GPC6: variants seen among roughly 807,000 people sequenced by gnomAD.
GPC6 encodes the protein glypican 6.
GPC6 carries 14 observed loss-of-function variants against 55.2 expected under a neutral mutation model. The ratio of observed to expected loss-of-function variants is 0.25; its 90% CI spans 0.17 to 0.40. The LOEUF (loss-of-function observed/expected upper bound fraction) is 0.40, where lower values mean the gene tolerates loss of function less well. Ranked by LOEUF, GPC6 falls within the 10% of genes least tolerant of loss-of-function variation. GPC6 has a pLI of 1.00. For synonymous variants in GPC6, 278 were observed against 259.6 expected, an observed-to-expected ratio of 1.07 and a Z score of -0.68; for missense variants, 641 against 708.5, an observed-to-expected ratio of 0.90 and a Z score of 1.08.
chr13:93,619,503 A>T (rs528566141), intron 2 of GPC6, among the ~76,000 whole-genome samples: 1 of 152,228 alleles, frequency 6.6e-6, no homozygotes, highest in East Asian at 1.9e-4. Context: ...CCCAGGATAG[A>T]GTTCAGTGGC....
intron 1 of GPC6, among the ~76,000 whole-genome samples, chr13:93,295,471 G>A (rs1003665218): frequency 3.3e-5 from 5 of 151,710 alleles, no homozygotes; most frequent in African/African-American, 1.2e-4. Context: ...TGTGGTTTTT[G>A]TTTTGTTTTG....
chr13:93,549,283 A>G (rs1874994836), intron 2 of GPC6, among the ~76,000 whole-genome samples: 1 of 152,168 alleles, frequency 6.6e-6, no homozygotes, highest in South Asian at 2.1e-4. Flanking sequence ...GGGGAGAGTC[A>G]TCTTTGTGTA....
At chr13:93,393,728 T>C (rs550109003) in intron 1 of GPC6, among the ~76,000 whole-genome samples, 3 of 152,204 alleles carry the variant, frequency 2.0e-5, no homozygotes, top group African/African-American at 7.2e-5. Flanking sequence ...TCTTTTTTGC[T>C]TAATGATCTT....
rs1445912098 is a variant in GPC6 at position 94,293,074 on chromosome 13, A to G, written c.1008+6595A>G. On this transcript the variant is annotated intron_variant, in intron 5 of 8. Coordinates refer to ENST00000377047, the MANE Select transcript of GPC6 (RefSeq NM_005708.5). Reference sequence around the variant, plus strand: ...TTTTAAAGACCAGGGGCAAGAGCATATTAAAACTTTCCCAATTTCCTTTTG... The same window carrying G: ...TTTTAAAGACCAGGGGCAAGAGCATGTTAAAACTTTCCCAATTTCCTTTTG... 2.6e-5 allele frequency among the ~76,000 whole-genome samples: 4 copies of G among 152,330 alleles called. No individual in the cohort carries two copies. The South Asian group carries it at 8.3e-4, about 32-fold the overall frequency.
In GPC6 at chr13:93,336,735, G is replaced by A. The variant is rs1054671364; in HGVS notation, c.160+109119G>A. ...CTGTGACACCGGGTGGCAATAAAAT[G>A]TCTTCCTCATTACAATTAATACCGA... is the stretch of plus-strand genomic sequence containing the variant. On this transcript the variant is annotated intron_variant, in intron 1 of 8. Coordinates refer to ENST00000377047, the MANE Select transcript of GPC6 (RefSeq NM_005708.5). Among the ~76,000 whole-genome samples the A allele has an allele frequency of 2.0e-5, 3 of 152,070 alleles. No individual in the cohort carries two copies. The South Asian group carries it at 6.2e-4, about 32-fold the overall frequency.
intron 2 of GPC6, among the ~76,000 whole-genome samples, chr13:93,691,259 G>T (rs888628693): frequency 4.6e-5 from 7 of 152,080 alleles, no homozygotes; most frequent in Non-Finnish European, 1.0e-4. Context: ...CTTTAAGTCT[G>T]TATATTTTAG....
chr13:93,247,367 C>T (rs1183648087), intron 1 of GPC6, among the ~76,000 whole-genome samples: 1 of 152,144 alleles, frequency 6.6e-6, no homozygotes, highest in African/African-American at 2.4e-5. Flanking sequence ...TCTGAAAATG[C>T]AGGATTGCTG....
chr13:93,616,911 G>A (rs1446342890), intron 2 of GPC6, among the ~76,000 whole-genome samples: 2 of 151,876 alleles, frequency 1.3e-5, no homozygotes, highest in South Asian at 2.1e-4. Flanking sequence ...TTAACCAAAA[G>A]GAAATAACAC....
intron 4 of GPC6, among the ~76,000 whole-genome samples, chr13:94,081,579 G>A (rs1158168273): frequency 2.0e-5 from 3 of 152,140 alleles, no homozygotes; most frequent in Non-Finnish European, 4.4e-5. Context: ...TCAGATTTAA[G>A]TGGCACCTCA....
chr13:94,229,172 C>G (rs977546310), intron 4 of GPC6, among the ~76,000 whole-genome samples: 1 of 152,150 alleles, frequency 6.6e-6, no homozygotes, highest in Admixed American at 6.6e-5. Context: ...GTGTTTGATA[C>G]ATTGTTATTT....
chr13:93,566,559 G>A (rs1440575715), intron 2 of GPC6, among the ~76,000 whole-genome samples: 1 of 147,598 alleles, frequency 6.8e-6, no homozygotes, highest in African/African-American at 2.5e-5. Flanking sequence ...TTTTTTTTAT[G>A]ACTTTTTTTT....
intron 3 of GPC6, among the ~76,000 whole-genome samples, chr13:93,871,820 A>T (rs955413728): frequency 6.6e-6 from 1 of 152,000 alleles, no homozygotes; most frequent in African/African-American, 2.4e-5. Flanking sequence ...GGAAAGCAAA[A>T]GCACAAAATT....
Position 93,261,526 on chromosome 13 carries a change from G to A in GPC6, c.160+33910G>A, listed in dbSNP as rs377291013. ...TTTTTAACATTCGAAGGCATAAGAA[G>A]AATCCAGTATATAAGTGCCACTTTT... On this transcript the variant is annotated intron_variant, in intron 1 of 8. Coordinates refer to ENST00000377047, the MANE Select transcript of GPC6 (RefSeq NM_005708.5). 4.6e-5 allele frequency among the ~76,000 whole-genome samples: 7 copies of A among 152,128 alleles called. No individual in the cohort carries two copies. In the East Asian group the frequency reaches 9.7e-4, roughly 21 times the overall value.
At chr13:93,412,565 G>A (rs886521806) in intron 1 of GPC6, among the ~76,000 whole-genome samples, 3 of 152,182 alleles carry the variant, frequency 2.0e-5, no homozygotes, top group Non-Finnish European at 4.4e-5. Flanking sequence ...GCTGAAGCAG[G>A]AATATTGCTT....
At chr13:94,266,272 G>C (rs569350682) in intron 4 of GPC6, among the ~76,000 whole-genome samples, 19 of 151,838 alleles carry the variant, frequency 1.3e-4, no homozygotes, top group Middle Eastern at 3.4e-3. Flanking sequence ...GGGTTCACTC[G>C]ATTCTCCTGC....
At chr13:93,409,884 GA>G (rs1876431584) in intron 1 of GPC6, among the ~76,000 whole-genome samples, 1 of 152,188 alleles carries the variant, frequency 6.6e-6, no homozygotes, top group Non-Finnish European at 1.5e-5. Flanking sequence ...AAGTGTAAAA[GA>G]AAACAAAATA....
chr13:93,319,248 T>C (rs1392148394), intron 1 of GPC6, among the ~76,000 whole-genome samples: 1 of 152,142 alleles, frequency 6.6e-6, no homozygotes. Context: ...CCCTCGTGCA[T>C]AGTGTTCCTA....
intron 2 of GPC6, among the ~76,000 whole-genome samples, chr13:93,648,991 A>G (rs1165906495): frequency 6.6e-6 from 1 of 152,168 alleles, no homozygotes; most frequent in Non-Finnish European, 1.5e-5. Flanking sequence ...TTTTTCATTT[A>G]AAAATTTTTG....
intron 6 of GPC6, among the ~76,000 whole-genome samples, chr13:94,311,116 G>A (rs975713101): frequency 1.3e-5 from 2 of 152,124 alleles, no homozygotes; most frequent in African/African-American, 4.8e-5. Flanking sequence ...CCCCAATATG[G>A]GGCTGAGGAC....
Sources: allele counts gnomAD v4.1 joint callset (sites outside exome capture counted in the v4.1 genomes callset), GRCh38; gene constraint gnomAD v4.1.1; transcripts MANE v1.5; gene names NCBI Gene and HGNC (gene_info 2026-07-23, HGNC 2026-07-21).